The following PCSK6 variants were observed in gnomAD, a reference collection of about 807,000 sequenced individuals.
PCSK6 encodes paired basic amino acid cleaving enzyme 4.
In PCSK6, 85 loss-of-function variants were observed where a neutral mutation model predicts 123.3. The ratio of observed to expected loss-of-function variants is 0.69; its 90% CI spans 0.58 to 0.83. The LOEUF (loss-of-function observed/expected upper bound fraction) is 0.83. Among genes scored for constraint, PCSK6 ranks in the 40% least tolerant of loss-of-function variants. The probability of loss-of-function intolerance (pLI) is 0.00; values close to 1 mark genes in which losing one functional copy is unlikely to be tolerated. For synonymous variants in PCSK6, 508 were observed against 516.0 expected (o/e 0.98, Z 0.21); for missense variants, 1,191 against 1,282.3 (o/e 0.93, Z 1.09).
intron 19 of PCSK6, among the ~76,000 whole-genome samples, chr15:101,316,711 C>G (rs1332966762): frequency 6.6e-6 from 1 of 152,182 alleles, no homozygotes; most frequent in East Asian, 1.9e-4. Flanking sequence ...CCTGGGTGGT[C>G]TGAGGTCAGC....
In PCSK6 at chr15:101,444,881, T is replaced by A. The variant is rs549528626; in HGVS notation, c.298-1221A>T. On this transcript the variant is annotated intron_variant, in intron 1 of 21. Transcript: ENST00000611716. ...GACTTGGATGCTGTGGCCATTTTCA[T>A]ATCTTTACACAAGAAGATAAGGCAG... Among the ~76,000 whole-genome samples, 5 of 152,296 alleles carry A rather than the reference T, an allele frequency of 3.3e-5. No homozygotes were observed. The East Asian group carries it at 9.7e-4, about 29-fold the overall frequency.
intron 6 of PCSK6, among the ~76,000 whole-genome samples, chr15:101,424,964 G>T (rs1049414124): frequency 6.6e-6 from 1 of 152,178 alleles, no homozygotes; most frequent in African/African-American, 2.4e-5. Context: ...GGGCCTCTAG[G>T]AGCTCAGCAT....
At chr15:101,483,462 G>T (rs1451868172) in intron 1 of PCSK6, among the ~76,000 whole-genome samples, 1 of 152,222 alleles carries the variant, frequency 6.6e-6, no homozygotes, top group Non-Finnish European at 1.5e-5. Context: ...GGCCCTGGCA[G>T]CCAGCCTGCC....
chr15:101,357,212 C>A (rs1201426380), intron 13 of PCSK6, among the ~76,000 whole-genome samples: 1 of 152,222 alleles, frequency 6.6e-6, no homozygotes, highest in African/African-American at 2.4e-5. Flanking sequence ...CTTTTCTGGT[C>A]TACGCGTGTG....
In PCSK6 at chr15:101,366,231, T is replaced by G. The variant is rs768278414; in HGVS notation, c.1823A>C (p.Asp608Ala). Residue 608 changes from aspartate (D) to alanine (A), a missense_variant, in exon 13 of 22, where the codon GAT (aspartate) becomes GCT (alanine). Physicochemically the swap from Asp to Ala is moderately radical, Grantham distance 126. Transcript: ENST00000611716. ...AEGQWTLEIQ[D>A]LPSQVRNPEK... ...CGGGTTGCGGACCTGGGATGGCAGA[T>G]CTTGGATTTCCAAGGTCCACTGCCC... is the stretch of plus-strand genomic sequence containing the variant. The G allele has an allele frequency of 6.2e-7, 1 of 1,613,678 alleles. No homozygotes were observed. Among genetic ancestry groups the G allele is most frequent in the Non-Finnish European group, 8.5e-7 (1 of 1,179,726 alleles).
chr15:101,452,493 C>G (rs1242244362), intron 1 of PCSK6, among the ~76,000 whole-genome samples: 2 of 152,148 alleles, frequency 1.3e-5, no homozygotes, highest in African/African-American at 4.8e-5. Flanking sequence ...CTGTAAAACT[C>G]TTCTTTTTCC....
At chr15:101,396,704 T>A (rs1482163347) in intron 7 of PCSK6, among the ~76,000 whole-genome samples, 1 of 152,028 alleles carries the variant, frequency 6.6e-6, no homozygotes, top group Non-Finnish European at 1.5e-5. Flanking sequence ...CAGCCCAGCC[T>A]TGGGCCTGGC....
chr15:101,438,388 C>T lies in PCSK6; in HGVS notation c.402+5168G>A, dbSNP rs117436819. Among the ~76,000 whole-genome samples the T allele has an allele frequency of 3.3e-3, 500 of 152,328 alleles. 2 individuals carry two copies. Among genetic ancestry groups the T allele is most frequent in the Non-Finnish European group, 4.6e-3 (312 of 68,024 alleles). On this transcript the variant is annotated intron_variant, in intron 2 of 21. Coordinates refer to ENST00000611716, the MANE Select transcript of PCSK6 (RefSeq NM_002570.5). The stretch of plus-strand genomic sequence containing the variant: ...ATAGAAAGAAGTTGCTTATGTTACA[C>T]ACAACTTGCTTATAGGAGTCACATC...
intron 13 of PCSK6, among the ~76,000 whole-genome samples, chr15:101,341,318 G>A (rs1305234822): frequency 1.2e-4 from 17 of 140,626 alleles, no homozygotes; most frequent in Non-Finnish European, 2.1e-4. Context: ...GTGCAATCTC[G>A]GCTCACTGCA....
At chr15:101,387,638 G>T (rs3784486) in intron 9 of PCSK6, among the ~76,000 whole-genome samples, 13 of 52,428 alleles carry the variant, frequency 2.5e-4, no homozygotes, top group Non-Finnish European at 6.3e-4. Flanking sequence ...CAAAACCATG[G>T]GACTCCCTTT....
intron 1 of PCSK6, among the ~76,000 whole-genome samples, chr15:101,488,932 A>G (rs996907514): frequency 6.7e-6 from 1 of 148,798 alleles, no homozygotes; most frequent in Non-Finnish European, 1.5e-5. Context: ...CCGCCCGTCG[A>G]GGGCAGAGGG....
chr15:101,427,840 G>GCTGCCC, intron 6 of PCSK6, 52 bp downstream of exon 6: 1 of 1,415,038 alleles, frequency 7.1e-7, no homozygotes, highest in South Asian at 1.2e-5. Flanking sequence ...GGAGCTCCCA[G>GCTGCCC]CTGCCCCTGC....
intron 18 of PCSK6, among the ~76,000 whole-genome samples, chr15:101,318,789 C>T (rs2040052540): frequency 6.6e-6 from 1 of 152,260 alleles, no homozygotes; most frequent in Non-Finnish European, 1.5e-5. Context: ...AGTGTCAAGT[C>T]CCTCTTGAAG....
At chr15:101,380,678 C>A (rs548975528) in intron 11 of PCSK6, among the ~76,000 whole-genome samples, 1 of 152,300 alleles carries the variant, frequency 6.6e-6, no homozygotes, top group South Asian at 2.1e-4. Flanking sequence ...GCTATTCATC[C>A]AGCTGCTCAG....
chr15:101,384,460 G>A, intron 9 of PCSK6, 35 bp from the exon 10 acceptor site: 1 of 1,574,242 alleles, frequency 6.4e-7, no homozygotes, highest in Non-Finnish European at 8.7e-7. Flanking sequence ...AGTCCACACA[G>A]CTCAACAACG....
At chr15:101,475,178 C>T (rs960125915) in intron 1 of PCSK6, among the ~76,000 whole-genome samples, 1 of 152,200 alleles carries the variant, frequency 6.6e-6, no homozygotes, top group African/African-American at 2.4e-5. Flanking sequence ...GCAAGAGTTA[C>T]GTGCTGTCTA....
chr15:101,417,986 A>G (rs2055948812), intron 6 of PCSK6, among the ~76,000 whole-genome samples: 1 of 152,130 alleles, frequency 6.6e-6, no homozygotes, highest in Non-Finnish European at 1.5e-5. Context: ...GAAATTTTTC[A>G]TCAATCAAGG....
intron 6 of PCSK6, among the ~76,000 whole-genome samples, chr15:101,424,963 G>T (rs1488304326): frequency 2.0e-5 from 3 of 152,176 alleles, no homozygotes; most frequent in African/African-American, 7.2e-5. Context: ...TGGGCCTCTA[G>T]GAGCTCAGCA....
intron 13 of PCSK6, among the ~76,000 whole-genome samples, chr15:101,357,514 T>C (rs2041077100): frequency 6.6e-6 from 1 of 152,250 alleles, no homozygotes; most frequent in African/African-American, 2.4e-5. Context: ...CAACAGGCAC[T>C]ATCAGCTTGA....
Sources: allele counts gnomAD v4.1 joint callset (sites outside exome capture counted in the v4.1 genomes callset), GRCh38; gene constraint gnomAD v4.1.1; transcripts MANE v1.5; gene names NCBI Gene and HGNC (gene_info 2026-07-23, HGNC 2026-07-21).